CAMTA1: variants seen among roughly 807,000 people sequenced by gnomAD.
The protein encoded by CAMTA1 is calmodulin binding transcription activator 1.
CAMTA1 carries 27 observed loss-of-function variants against 170.9 expected under a neutral mutation model. The ratio of observed to expected loss-of-function variants is 0.16; its 90% CI spans 0.12 to 0.22. The LOEUF (loss-of-function observed/expected upper bound fraction) is 0.22. Among genes scored for constraint, CAMTA1 ranks in the 10% least tolerant of loss-of-function variants. CAMTA1 has a pLI of 1.00. For missense variants in CAMTA1, 1,619 were observed against 2,217.2 expected, an observed-to-expected ratio of 0.73 and a Z score of 5.42; for synonymous variants, 833 against 891.5, an observed-to-expected ratio of 0.93 and a Z score of 1.17.
At chr1:7,433,455 C>T (rs957743683) in intron 5 of CAMTA1, among the ~76,000 whole-genome samples, 1 of 152,170 alleles carries the variant, frequency 6.6e-6, no homozygotes, top group Non-Finnish European at 1.5e-5. Context: ...TTTGAGGCTC[C>T]CAAGGACCAC....
At chr1:6,825,046 A>AT in intron 2 of CAMTA1, 46 bp from the exon 3 acceptor site, 1 of 1,170,028 alleles carries the variant, frequency 8.5e-7, no homozygotes, top group Non-Finnish European at 1.2e-6. Context: ...TTTAAAGGAG[A>AT]TTTTATCTAT....
chr1:6,963,826 G>T (rs1044068090), intron 3 of CAMTA1, among the ~76,000 whole-genome samples: 1 of 152,192 alleles, frequency 6.6e-6, no homozygotes, highest in African/African-American at 2.4e-5. Context: ...TGGGCCAAGA[G>T]CCCTGACCCT....
intron 5 of CAMTA1, chr1:7,441,203 A>G (rs934792027): frequency 6.6e-6 from 1 of 152,174 alleles, no homozygotes; most frequent in Non-Finnish European, 1.5e-5. Context: ...AAATGAAAAC[A>G]TGGTGTAATA....
At chr1:7,539,983 A>G (rs570011642) in intron 6 of CAMTA1, among the ~76,000 whole-genome samples, 1 of 152,282 alleles carries the variant, frequency 6.6e-6, no homozygotes, top group East Asian at 1.9e-4. Context: ...TTCAGAGCCC[A>G]GCTAGGATGC....
chr1:7,376,231 C>T (rs564496798), intron 5 of CAMTA1, among the ~76,000 whole-genome samples: 7 of 152,352 alleles, frequency 4.6e-5, no homozygotes, highest in Non-Finnish European at 1.0e-4. Flanking sequence ...TATTTATTTT[C>T]GCTGTCTCTG....
intron 5 of CAMTA1, among the ~76,000 whole-genome samples, chr1:7,267,027 G>A (rs1454114785): frequency 2.6e-5 from 4 of 152,190 alleles, no homozygotes; most frequent in Admixed American, 2.6e-4. Flanking sequence ...TTCTGGACAG[G>A]TAACTTTGCT....
At chr1:7,390,077 T>G (rs2088520837) in intron 5 of CAMTA1, among the ~76,000 whole-genome samples, 1 of 152,194 alleles carries the variant, frequency 6.6e-6, no homozygotes, top group Non-Finnish European at 1.5e-5. Context: ...CGGACGGCTC[T>G]GGGTGCAGGA....
rs935835298 is a variant in CAMTA1 at position 7,585,404 on chromosome 1, A to T, written c.511-54996A>T. Among the ~76,000 whole-genome samples the T allele has an allele frequency of 3.3e-5, 5 of 152,110 alleles. No homozygotes were observed. Among genetic ancestry groups the T allele is most frequent in the African/African-American group, 9.7e-5 (4 of 41,412 alleles). Reference sequence around the variant, plus strand: ...TGGCAGTCCTAACAGAGGGAAGAGTATGTGCAAAGGCCCTGGGGTGGACAT... The same window carrying T: ...TGGCAGTCCTAACAGAGGGAAGAGTTTGTGCAAAGGCCCTGGGGTGGACAT... On this transcript the variant is annotated intron_variant, in intron 6 of 22. Coordinates refer to ENST00000303635, the MANE Select transcript of CAMTA1 (RefSeq NM_015215.4). This position sits in a 1 kb window ranked among gnomAD's most constrained non-coding sequence, Gnocchi z 4.8.
chr1:7,212,548 C>A (rs1481557862), intron 4 of CAMTA1, among the ~76,000 whole-genome samples: 1 of 152,138 alleles, frequency 6.6e-6, no homozygotes, highest in Non-Finnish European at 1.5e-5. Flanking sequence ...CTTTCTATTT[C>A]AAGACAACTG....
intron 5 of CAMTA1, among the ~76,000 whole-genome samples, chr1:7,296,290 G>A (rs1022417512): frequency 2.0e-5 from 3 of 152,174 alleles, no homozygotes; most frequent in African/African-American, 7.2e-5. Flanking sequence ...TTTTGGCCAA[G>A]GTTACATAAC....
intron 11 of CAMTA1, among the ~76,000 whole-genome samples, chr1:7,699,259 A>T (rs1300242028): frequency 6.6e-6 from 1 of 152,024 alleles, no homozygotes; most frequent in Non-Finnish European, 1.5e-5. Context: ...GCTGCCCATG[A>T]ACCAGGGTCA....
At chr1:7,689,633 C>T (rs758997855) in intron 11 of CAMTA1, among the ~76,000 whole-genome samples, 13 of 152,050 alleles carry the variant, frequency 8.5e-5, no homozygotes, top group Admixed American at 2.0e-4. Flanking sequence ...CAAAAACAAA[C>T]GGAGGTTGTT....
chr1:7,463,903 A>G lies in CAMTA1; in HGVS notation c.439-3927A>G, dbSNP rs1174703126. 6.6e-6 allele frequency among the ~76,000 whole-genome samples: 1 copy of G among 152,122 alleles called. No homozygotes were observed. The highest frequency in any genetic ancestry group is 1.5e-5 in the Non-Finnish European group (1 of 68,008). ...TTCAGAAACGCCACTTTCTTTTTTG[A>G]GGCATTTACTTTGAGCTGAAGGGAG... On this transcript the variant is annotated intron_variant, in intron 5 of 22. Coordinates refer to ENST00000303635, the MANE Select transcript of CAMTA1 (RefSeq NM_015215.4). This position sits in a 1 kb window ranked among gnomAD's most constrained non-coding sequence, Gnocchi z 4.7.
In CAMTA1 at chr1:6,785,522, A is replaced by G; in HGVS notation, c.-9A>G. The G allele has an allele frequency of 9.5e-7, 1 of 1,056,940 alleles. No individual in the cohort carries two copies. The highest frequency in any genetic ancestry group is 3.2e-5 in the South Asian group (1 of 31,692). 65.5% of individuals were successfully genotyped at this position (1,056,940 alleles called of 1,614,324 possible). A position where few individuals can be genotyped will look rare whatever the true frequency, so the allele number is the denominator to read the frequency against. ...CGCGCTCGGGGTCCCGGTCGCGAGG[A>G]GGAGGAGGATGTGGCGCGCGGAGGG... On this transcript the variant is annotated 5_prime_UTR_variant, in exon 1 of 23. Coordinates refer to ENST00000303635, the MANE Select transcript of CAMTA1 (RefSeq NM_015215.4).
rs531124681 is a variant in CAMTA1, at chr1:7,480,425, GAGAC to G, written c.510+12528_510+12531del. ...TGTGTGTGTGTGTGTGTGAGAGAGA[GAGAC>G]AGAGAGAGATATCCTCGCCCCTAGT... On this transcript the variant is annotated intron_variant, in intron 6 of 22. Transcript: ENST00000303635. Among the ~76,000 whole-genome samples, 9 of 151,918 alleles carry G rather than the reference GAGAC, an allele frequency of 5.9e-5. No homozygotes were observed. In the South Asian group the frequency reaches 1.2e-3, roughly 21 times the overall value.
At chr1:6,981,871 G>T (rs910599525) in intron 3 of CAMTA1, among the ~76,000 whole-genome samples, 1 of 151,956 alleles carries the variant, frequency 6.6e-6, no homozygotes, top group Non-Finnish European at 1.5e-5. Flanking sequence ...TAGGATAACA[G>T]GTGCACACCA....
intron 4 of CAMTA1, among the ~76,000 whole-genome samples, chr1:7,226,556 A>G (rs1661726822): frequency 6.6e-6 from 1 of 152,198 alleles, no homozygotes. Flanking sequence ...CATCCTCTGA[A>G]GTCCCATTTC....
At chr1:7,015,009 A>T (rs929268827) in intron 3 of CAMTA1, among the ~76,000 whole-genome samples, 1 of 152,174 alleles carries the variant, frequency 6.6e-6, no homozygotes, top group South Asian at 2.1e-4. Context: ...CTATTATTCC[A>T]AGTCAAGAAA....
chr1:6,974,807 C>T (rs534761604), intron 3 of CAMTA1, among the ~76,000 whole-genome samples: 3 of 152,340 alleles, frequency 2.0e-5, no homozygotes, highest in Admixed American at 6.5e-5. Context: ...GCCACATCCC[C>T]TTAGAATACT....
Sources: gnomAD v4.1 joint callset for allele counts (sites outside exome capture counted in the v4.1 genomes callset) on GRCh38, gnomAD v4.1.1 for gene constraint, Gnocchi (gnomAD v3.1) non-coding constraint, MANE v1.5 for transcripts, NCBI Gene and HGNC (gene_info 2026-07-23, HGNC 2026-07-21) for gene names.